CCDC171: variants seen among roughly 807,000 people sequenced by gnomAD.
CCDC171 encodes the protein coiled-coil domain containing 171.
In CCDC171, 177 loss-of-function variants were observed where a neutral mutation model predicts 168.2. The ratio of observed to expected loss-of-function variants is 1.05; its 90% CI spans 0.93 to 1.19. CCDC171 has a LOEUF of 1.19. Ranked by LOEUF, CCDC171 falls within the 50% of genes most tolerant of loss-of-function variation. The pLI is 0.00. For missense variants in CCDC171, 1,991 were observed against 1,539.0 expected (o/e 1.29, Z -4.91); for synonymous variants, 687 against 540.8 (o/e 1.27, Z -3.75).
chr9:15,763,143 C>T (rs1157083297), intron 18 of CCDC171, among the ~76,000 whole-genome samples: 1 of 152,142 alleles, frequency 6.6e-6, no homozygotes, highest in Non-Finnish European at 1.5e-5. Flanking sequence ...TAGAATCAGC[C>T]AAAGGAAGAG....
chr9:15,939,843 A>G (rs1421566806), intron 25 of CCDC171, among the ~76,000 whole-genome samples: 1 of 151,958 alleles, frequency 6.6e-6, no homozygotes, highest in Admixed American at 6.6e-5. Context: ...GGAACAAATG[A>G]TCTGTTAAAA....
At chr9:15,909,423 C>T (rs989601680) in intron 24 of CCDC171, among the ~76,000 whole-genome samples, 7 of 150,388 alleles carry the variant, frequency 4.7e-5, no homozygotes, top group East Asian at 3.9e-4. Flanking sequence ...CACACACACA[C>T]GTGCACATAA....
chr9:16,011,264 T>C (rs1362230529), intron 3 of CCDC171, among the ~76,000 whole-genome samples: 2 of 152,172 alleles, frequency 1.3e-5, no homozygotes, highest in Non-Finnish European at 2.9e-5. Flanking sequence ...TGGATTACCC[T>C]TGGACTTCCT....
intron 21 of CCDC171, among the ~76,000 whole-genome samples, chr9:15,801,053 C>T (rs1368247904): frequency 1.3e-5 from 2 of 151,824 alleles, no homozygotes; most frequent in East Asian, 3.9e-4. Flanking sequence ...AGGATTCCTC[C>T]AGTTTTGTTC....
At chr9:15,851,272 A>G (rs936416510) in intron 23 of CCDC171, among the ~76,000 whole-genome samples, 4 of 151,984 alleles carry the variant, frequency 2.6e-5, no homozygotes, top group African/African-American at 9.7e-5. Context: ...TTGGGGACTG[A>G]TAACTACTAT....
chr9:15,688,801 G>T (rs1358834912), intron 10 of CCDC171, among the ~76,000 whole-genome samples: 2 of 152,136 alleles, frequency 1.3e-5, no homozygotes, highest in Non-Finnish European at 2.9e-5. Flanking sequence ...AATAATACAA[G>T]GATGTACACT....
chr9:15,843,404 C>A (rs2060766712), intron 21 of CCDC171, among the ~76,000 whole-genome samples: 1 of 152,008 alleles, frequency 6.6e-6, no homozygotes, highest in African/African-American at 2.4e-5. Flanking sequence ...TTTCTAACAG[C>A]TAAAATTGTT....
chr9:15,940,867 A>T (rs1183155870), intron 25 of CCDC171, among the ~76,000 whole-genome samples: 1 of 151,914 alleles, frequency 6.6e-6, no homozygotes, highest in Admixed American at 6.6e-5. Context: ...ACTAGGTTCA[A>T]AAAACAAAAC....
At position 15,555,833 on chromosome 9, in the gene CCDC171, C is replaced by T. The variant is rs946459363; in HGVS notation, c.-112+2531C>T. ...TATCTCCTAATGCTATACCTCCCACCTTCCCCCACTCTCTGCCAGGCCCCG... is the reference window on the plus strand; with the variant it reads ...TATCTCCTAATGCTATACCTCCCACTTTCCCCCACTCTCTGCCAGGCCCCG... On this transcript the variant is annotated intron_variant, in intron 1 of 25. Coordinates refer to ENST00000380701, the MANE Select transcript of CCDC171 (RefSeq NM_173550.4). 2.0e-5 allele frequency among the ~76,000 whole-genome samples: 3 copies of T among 152,112 alleles called. No individual in the cohort carries two copies. In the South Asian group the frequency reaches 6.2e-4, roughly 32 times the overall value.
At chr9:15,943,977 C>T (rs761608214) in intron 25 of CCDC171, among the ~76,000 whole-genome samples, 1 of 151,986 alleles carries the variant, frequency 6.6e-6, no homozygotes, top group Non-Finnish European at 1.5e-5. Context: ...GCAGGGAGAA[C>T]TATGTGAACC....
At position 15,744,329 on chromosome 9, in the gene CCDC171, A is replaced by G. The variant is rs557477299; in HGVS notation, c.2106A>G (p.Ser702=). The change falls in exon 17 of 26, where the codon TCA becomes TCG. Residue 702 remains serine (S), a synonymous_variant. Transcript: ENST00000380701. ...NMEKLNHIEK[S]HEQLVLENSH... is the part of the protein sequence containing the mutation. ...AAAAATTGAACCATATTGAGAAGTCACATGAACAGTTGGTTCTTGAAAATT... is the reference window on the plus strand; with the variant it reads ...AAAAATTGAACCATATTGAGAAGTCGCATGAACAGTTGGTTCTTGAAAATT... 148 of 1,613,340 alleles carry G rather than the reference A, an allele frequency of 9.2e-5. 3 individuals carry two copies. The South Asian group carries it at 1.3e-3, about 14-fold the overall frequency.
intron 21 of CCDC171, among the ~76,000 whole-genome samples, chr9:15,813,695 A>G (rs2059449515): frequency 6.6e-6 from 1 of 152,154 alleles, no homozygotes; most frequent in East Asian, 1.9e-4. Flanking sequence ...TGGGCTAGAG[A>G]TCTACCTATT....
At chr9:15,806,813 A>C (rs1001337302) in intron 21 of CCDC171, among the ~76,000 whole-genome samples, 10 of 152,288 alleles carry the variant, frequency 6.6e-5, no homozygotes, top group African/African-American at 1.9e-4. Context: ...ATCTTGAAAT[A>C]TGTTTCCTGA....
intron 25 of CCDC171, among the ~76,000 whole-genome samples, chr9:15,933,066 T>C (rs1418258708): frequency 2.0e-5 from 3 of 151,980 alleles, no homozygotes; most frequent in Non-Finnish European, 4.4e-5. Flanking sequence ...TGTCTGTGTG[T>C]CCTTGTGCAA....
At chr9:15,710,891 C>T (rs1484889054) in intron 11 of CCDC171, among the ~76,000 whole-genome samples, 5 of 152,188 alleles carry the variant, frequency 3.3e-5, no homozygotes, top group Admixed American at 3.3e-4. Flanking sequence ...GCCACCGTAC[C>T]CGGCCTTCTG....
chr9:15,774,300 A>G (rs2057185855), intron 18 of CCDC171, among the ~76,000 whole-genome samples: 1 of 146,020 alleles, frequency 6.8e-6, no homozygotes, highest in African/African-American at 2.5e-5. Flanking sequence ...TAGGCTAAGG[A>G]CGTGAATAGA....
At chr9:15,838,045 C>T (rs1394908558) in intron 21 of CCDC171, among the ~76,000 whole-genome samples, 1 of 152,070 alleles carries the variant, frequency 6.6e-6, no homozygotes, top group African/African-American at 2.4e-5. Context: ...ATATTCTTTT[C>T]ATTTATTTCT....
Position 15,777,760 on chromosome 9 carries a change from C to G in CCDC171, c.2832C>G (p.Ala944=). 2 of 1,613,868 alleles carry G rather than the reference C, an allele frequency of 1.2e-6. No individual in the cohort carries two copies. The highest frequency in any genetic ancestry group is 1.1e-5 in the South Asian group (1 of 91,006). ...AAGATTCCCTGGTTCAGAGGCTGGC[C>G]CATGGACTTCATAAAGTAAACACAC... ...VEKDSLVQRL[A]HGLHKVNTLA... is the part of the protein sequence containing the mutation. The change falls in exon 19 of 26, where the codon GCC becomes GCG. Residue 944 remains alanine (A), a synonymous_variant. Transcript: ENST00000380701.
intron 11 of CCDC171, among the ~76,000 whole-genome samples, chr9:15,720,831 C>T (rs2053430022): frequency 6.6e-6 from 1 of 152,042 alleles, no homozygotes; most frequent in South Asian, 2.1e-4. Context: ...TAATGCTATC[C>T]CTCCTCCCTC....
Sources: gnomAD v4.1 joint callset for allele counts (sites outside exome capture counted in the v4.1 genomes callset) on GRCh38, gnomAD v4.1.1 for gene constraint, MANE v1.5 for transcripts, NCBI Gene and HGNC (gene_info 2026-07-23, HGNC 2026-07-21) for gene names.